Variants in TBC1D22A observed in about 807,000 individuals in gnomAD.
TBC1D22A encodes putative GTPase activator.
A neutral mutation model predicts 60.2 loss-of-function variants in TBC1D22A; 38 were observed. The ratio of observed to expected loss-of-function variants is 0.63; its 90% CI spans 0.49 to 0.83. TBC1D22A has a LOEUF of 0.83. Among genes scored for constraint, TBC1D22A ranks in the 40% least tolerant of loss-of-function variants. The pLI is 0.00. For synonymous variants in TBC1D22A, 302 were observed against 281.7 expected (o/e 1.07, Z -0.72); for missense variants, 628 against 701.0 (o/e 0.90, Z 1.18).
intron 1 of TBC1D22A, among the ~76,000 whole-genome samples, chr22:46,780,681 C>T (rs1027411768): frequency 1.3e-5 from 2 of 152,218 alleles, no homozygotes; most frequent in African/African-American, 4.8e-5. Context: ...TTCACTGAGG[C>T]GGCCCAAGGA....
chr22:46,942,010 T>C lies in TBC1D22A; in HGVS notation c.1015+29822T>C, dbSNP rs933903250. On this transcript the variant is annotated intron_variant, in intron 8 of 12. Transcript: ENST00000337137. ...ATGGGGCCTGGGGCACCAGCATACA[T>C]ATATATATATATATATTATATATAT... Among the ~76,000 whole-genome samples the C allele has an allele frequency of 2.2e-3, 285 of 131,108 alleles. 1 individual carries two copies. The highest frequency in any genetic ancestry group is 3.3e-3 in the Non-Finnish European group (206 of 61,622). The allele number at this position is 131,108 out of a possible 152,430, so 86.0% of individuals were successfully genotyped here.
chr22:47,159,337 ACAC>A (rs1310434919), intron 12 of TBC1D22A, among the ~76,000 whole-genome samples: 7 of 150,208 alleles, frequency 4.7e-5, no homozygotes, highest in Admixed American at 2.6e-4. Context: ...GTATACACAC[ACAC>A]CATGTATTCA....
chr22:46,924,147 C>G (rs920855242), intron 8 of TBC1D22A, among the ~76,000 whole-genome samples: 11 of 152,220 alleles, frequency 7.2e-5, no homozygotes, highest in African/African-American at 2.7e-4. Flanking sequence ...CCCTCCCCAT[C>G]TTTGATGCCT....
intron 11 of TBC1D22A, among the ~76,000 whole-genome samples, chr22:47,050,600 C>T (rs971955443): frequency 3.3e-5 from 5 of 152,304 alleles, no homozygotes; most frequent in South Asian, 2.1e-4. Context: ...CTCCAGGCGC[C>T]GCTTGGGCCC....
rs918282582 is a variant in TBC1D22A, at chr22:47,028,335, G to A, written c.1202-8736G>A. ...GTGAGTGGTCGCGTTCCTGTCCCTC[G>A]GTCCCTGTCCCCCACGGCCCAGGTT... is the stretch of plus-strand genomic sequence containing the variant. On this transcript the variant is annotated intron_variant, in intron 10 of 12. Transcript: ENST00000337137. The surrounding 1 kb of genome is among the most constrained non-coding windows in gnomAD (Gnocchi z 4.4). Among the ~76,000 whole-genome samples the A allele has an allele frequency of 3.3e-5, 5 of 151,888 alleles. No individual in the cohort carries two copies. Among genetic ancestry groups the A allele is most frequent in the African/African-American group, 1.2e-4 (5 of 41,312 alleles).
chr22:47,004,496 T>C (rs559146308), intron 10 of TBC1D22A, among the ~76,000 whole-genome samples: 2 of 147,534 alleles, frequency 1.4e-5, no homozygotes, highest in African/African-American at 5.1e-5. Context: ...CACATGCCTA[T>C]ACACACACAC....
intron 6 of TBC1D22A, among the ~76,000 whole-genome samples, chr22:46,893,529 C>G (rs1361686882): frequency 6.6e-6 from 1 of 152,210 alleles, no homozygotes; most frequent in Non-Finnish European, 1.5e-5. Context: ...TTTGCTGGCC[C>G]TGGTCATGCA....
At chr22:46,936,154 A>G (rs559362795) in intron 8 of TBC1D22A, among the ~76,000 whole-genome samples, 1 of 152,176 alleles carries the variant, frequency 6.6e-6, no homozygotes, top group Non-Finnish European at 1.5e-5. Flanking sequence ...TCACCTTGAC[A>G]CTCATGGTTC....
chr22:46,922,861 C>T (rs117244380), intron 8 of TBC1D22A, among the ~76,000 whole-genome samples: 1,904 of 152,202 alleles, frequency 0.013, 30 homozygotes, highest in Non-Finnish European at 0.014. Flanking sequence ...GGTATAGAAT[C>T]GTATTGATTG....
intron 11 of TBC1D22A, among the ~76,000 whole-genome samples, chr22:47,074,680 C>G (rs150162221): frequency 6.6e-6 from 1 of 152,224 alleles, no homozygotes; most frequent in African/African-American, 2.4e-5. Flanking sequence ...GGAAGTGGCA[C>G]TGTCTGAATT....
chr22:47,042,106 C>A (rs1041919425), intron 11 of TBC1D22A, among the ~76,000 whole-genome samples: 1 of 152,266 alleles, frequency 6.6e-6, no homozygotes, highest in Non-Finnish European at 1.5e-5. Flanking sequence ...AACTGGGAGT[C>A]TAGGAGCATA....
chr22:47,015,350 C>T (rs9616197), intron 10 of TBC1D22A, among the ~76,000 whole-genome samples: 4,516 of 152,324 alleles, frequency 0.03, 107 homozygotes, highest in South Asian at 0.086. Context: ...TTAATTCACA[C>T]GCTCAAAGCA....
intron 4 of TBC1D22A, among the ~76,000 whole-genome samples, chr22:46,837,984 T>C: frequency 6.6e-6 from 1 of 152,114 alleles, no homozygotes; most frequent in Admixed American, 6.5e-5. Context: ...TGCTTGAACC[T>C]GGGAGGCGGA....
chr22:47,036,459 T>C (rs990774606), intron 10 of TBC1D22A, among the ~76,000 whole-genome samples: 5 of 152,146 alleles, frequency 3.3e-5, no homozygotes, highest in Admixed American at 3.3e-4. Context: ...ATGTGGCTGG[T>C]GTGAGCGTGT....
chr22:46,838,300 T>A (rs956067339), intron 4 of TBC1D22A, among the ~76,000 whole-genome samples: 1 of 152,046 alleles, frequency 6.6e-6, no homozygotes, highest in Non-Finnish European at 1.5e-5. Flanking sequence ...TCAAATGCAA[T>A]CATAAATGAG....
At chr22:46,807,820 G>C (rs200475951) in intron 4 of TBC1D22A, among the ~76,000 whole-genome samples, 3 of 152,078 alleles carry the variant, frequency 2.0e-5, no homozygotes, top group Admixed American at 6.5e-5. Context: ...ATTTTATACA[G>C]GGCCAGGTGA....
chr22:46,962,234 T>A (rs115002569), intron 8 of TBC1D22A, among the ~76,000 whole-genome samples: 2,700 of 152,268 alleles, frequency 0.018, 68 homozygotes, highest in African/African-American at 0.062. Flanking sequence ...AAAGACGGAT[T>A]TAAGAAACAG....
At chr22:46,975,877 G>C (rs1307576612) in intron 9 of TBC1D22A, among the ~76,000 whole-genome samples, 1 of 152,222 alleles carries the variant, frequency 6.6e-6, no homozygotes, top group African/African-American at 2.4e-5. Context: ...TGCGGTTGGA[G>C]AATGGAAACC....
intron 4 of TBC1D22A, among the ~76,000 whole-genome samples, chr22:46,863,668 C>T (rs1319625877): frequency 1.3e-5 from 2 of 152,150 alleles, no homozygotes; most frequent in African/African-American, 4.8e-5. Flanking sequence ...TATTGGAAAC[C>T]AAAGGGGTCA....
Sources: gnomAD v4.1 joint callset for allele counts (sites outside exome capture counted in the v4.1 genomes callset) on GRCh38, gnomAD v4.1.1 for gene constraint, Gnocchi (gnomAD v3.1) non-coding constraint, MANE v1.5 for transcripts, NCBI Gene and HGNC (gene_info 2026-07-23, HGNC 2026-07-21) for gene names.